The following NPEPPS variants were observed in gnomAD, a reference collection of about 807,000 sequenced individuals.
NPEPPS encodes puromycin-sensitive aminopeptidase.
Under a neutral mutation model 115.5 loss-of-function variants are expected in NPEPPS, and 14 were observed. The ratio of observed to expected loss-of-function variants is 0.12; its 90% CI spans 0.08 to 0.19. The LOEUF is 0.19. Among genes scored for constraint, NPEPPS ranks in the 10% least tolerant of loss-of-function variants. NPEPPS has a pLI of 1.00. For synonymous variants in NPEPPS, 285 were observed against 390.6 expected, an observed-to-expected ratio of 0.73 and a Z score of 3.19; for missense variants, 523 against 1,110.8, an observed-to-expected ratio of 0.47 and a Z score of 7.52.
At chr17:47,549,248 C>T (rs1909457756) in intron 2 of NPEPPS, among the ~76,000 whole-genome samples, 1 of 151,258 alleles carries the variant, frequency 6.6e-6, no homozygotes, top group Non-Finnish European at 1.5e-5. Context: ...GAGGCTGAGG[C>T]AGAGAATTGC....
rs777578024 is a variant in NPEPPS at position 47,531,450 on chromosome 17, C to T, written c.150C>T (p.Pro50=). ...TCGCCGCGATGCCGGAGAAGAGGCC[C>T]TTCGAGCGGCTGCCTGCCGATGTCT... The part of the protein sequence containing the change: ...LGLAAMPEKR[P]FERLPADVSP... Residue 50 remains proline (P), a synonymous_variant, in exon 1 of 23, where the codon CCC becomes CCT. Coordinates refer to ENST00000322157, the MANE Select transcript of NPEPPS (RefSeq NM_006310.4). 7 of 1,566,192 alleles carry T rather than the reference C, an allele frequency of 4.5e-6. No homozygotes were observed. Among genetic ancestry groups the T allele is most frequent in the Non-Finnish European group, 5.2e-6 (6 of 1,158,042 alleles).
intron 2 of NPEPPS, among the ~76,000 whole-genome samples, chr17:47,561,005 ACTT>A (rs1910388297): frequency 6.6e-6 from 1 of 152,204 alleles, no homozygotes; most frequent in Non-Finnish European, 1.5e-5. Flanking sequence ...TTGACTTGGC[ACTT>A]CTGATATTGA....
intron 11 of NPEPPS, 64 bp from the exon 12 acceptor site, chr17:47,592,421 A>G: frequency 7.3e-6 from 11 of 1,504,604 alleles, no homozygotes; most frequent in Non-Finnish European, 9.9e-6. Flanking sequence ...GATTACTGAT[A>G]TACAAATATA....
Position 47,605,420 on chromosome 17 carries a change from C to G in NPEPPS, c.1963C>G (p.Leu655Val), listed in dbSNP as rs1325729233. The G allele has an allele frequency of 1.2e-6, 2 of 1,610,646 alleles. No homozygotes were observed. The highest frequency in any genetic ancestry group is 1.3e-5 in the African/African-American group (1 of 74,896). ...GCCCAATTATACTGTATGGAGCGACCTGAGCTGTAACCTGGGGATTCTCTC... is the reference window on the plus strand; with the variant it reads ...GCCCAATTATACTGTATGGAGCGACGTGAGCTGTAACCTGGGGATTCTCTC... ...NEPNYTVWSD[L>V]SCNLGILSTL... The change falls in exon 17 of 23, where the codon CTG becomes GTG. Residue 655 changes from leucine (L) to valine (V), a missense_variant. Leu to Val is a conservative substitution (Grantham distance 32, BLOSUM62 1). This residue lies in a region of NPEPPS where 372 missense variants were observed against 542.6 expected (regional missense o/e 0.69). Coordinates refer to ENST00000322157, the MANE Select transcript of NPEPPS (RefSeq NM_006310.4).
chr17:47,537,539 A>G (rs1403405381), intron 1 of NPEPPS, among the ~76,000 whole-genome samples: 1 of 152,014 alleles, frequency 6.6e-6, no homozygotes, highest in Non-Finnish European at 1.5e-5. Context: ...AAAAAAATAC[A>G]AAAATTAGCC....
At chr17:47,586,893 C>T in intron 8 of NPEPPS, 1 of 397,592 alleles carries the variant, frequency 2.5e-6, no homozygotes, top group Non-Finnish European at 4.8e-6. Flanking sequence ...GCATCTTCCT[C>T]CACCACTCCC....
chr17:47,581,626 T>G (rs1911881364), intron 4 of NPEPPS: 1 of 152,184 alleles, frequency 6.6e-6, no homozygotes. Context: ...TTGATAGAAT[T>G]CATTATTTAT....
intron 9 of NPEPPS, among the ~76,000 whole-genome samples, chr17:47,587,810 A>T (rs1193700302): frequency 6.6e-6 from 1 of 151,908 alleles, no homozygotes; most frequent in East Asian, 1.9e-4. Context: ...GTTAAGTTGA[A>T]ATTTAATGAA....
intron 1 of NPEPPS, among the ~76,000 whole-genome samples, chr17:47,541,070 T>C (rs1041017381): frequency 2.0e-5 from 3 of 152,202 alleles, no homozygotes; most frequent in Non-Finnish European, 4.4e-5. Context: ...AATTGGATGT[T>C]GTGCATGGTG....
chr17:47,570,840 T>C (rs541488179), intron 3 of NPEPPS, among the ~76,000 whole-genome samples: 99 of 152,350 alleles, frequency 6.5e-4, no homozygotes, highest in African/African-American at 2.2e-3. Flanking sequence ...TTGATATCGC[T>C]GGGGGAAGTA....
At chr17:47,557,139 C>T (rs550452423) in intron 2 of NPEPPS, among the ~76,000 whole-genome samples, 142 of 152,178 alleles carry the variant, frequency 9.3e-4, no homozygotes, top group Non-Finnish European at 1.7e-3. Flanking sequence ...AGTGCAGTGA[C>T]GTGATCTTGG....
chr17:47,618,715 T>C (rs187359033), intron 20 of NPEPPS, among the ~76,000 whole-genome samples: 22 of 152,368 alleles, frequency 1.4e-4, no homozygotes, highest in African/African-American at 4.8e-4. Flanking sequence ...ACTGGGAAAC[T>C]GGCTTATGCC....
chr17:47,564,016 T>C (rs920946120), intron 2 of NPEPPS, among the ~76,000 whole-genome samples: 3 of 152,088 alleles, frequency 2.0e-5, no homozygotes, highest in Admixed American at 6.6e-5. Flanking sequence ...CACTGCAGCC[T>C]CTACCTCCCA....
chr17:47,613,770 G>T (rs757578296), intron 19 of NPEPPS, 45 bp downstream of exon 19: 6 of 1,434,792 alleles, frequency 4.2e-6, no homozygotes, highest in South Asian at 1.2e-5. Flanking sequence ...TTTGAACTTG[G>T]ATAGACACAC....
intron 19 of NPEPPS, among the ~76,000 whole-genome samples, chr17:47,617,979 T>A (rs1315384943): frequency 6.6e-6 from 1 of 152,120 alleles, no homozygotes; most frequent in African/African-American, 2.4e-5. Flanking sequence ...GTTCAAGCGA[T>A]TCTCCCGCCT....
intron 18 of NPEPPS, among the ~76,000 whole-genome samples, chr17:47,613,335 G>A (rs1030507124): frequency 7.3e-5 from 10 of 137,752 alleles, no homozygotes; most frequent in Non-Finnish European, 1.1e-4. Flanking sequence ...GTGTGATCTC[G>A]GCTCACTGTA....
chr17:47,589,060 T>C (rs187562470), intron 9 of NPEPPS, among the ~76,000 whole-genome samples: 128 of 152,168 alleles, frequency 8.4e-4, no homozygotes, highest in African/African-American at 3.0e-3. Flanking sequence ...CAATTACAGG[T>C]GTGTGGCACC....
intron 13 of NPEPPS, among the ~76,000 whole-genome samples, chr17:47,597,714 A>T (rs1912965731): frequency 6.6e-6 from 1 of 152,150 alleles, no homozygotes; most frequent in African/African-American, 2.4e-5. Flanking sequence ...TGGCAATCTA[A>T]GTTATAAATT....
intron 13 of NPEPPS, among the ~76,000 whole-genome samples, chr17:47,597,142 A>G (rs561022975): frequency 6.7e-6 from 1 of 149,410 alleles, no homozygotes; most frequent in Non-Finnish European, 1.5e-5. Context: ...TGTAGAAAAA[A>G]CATTTGGTAA....
Sources: gnomAD v4.1 joint callset for allele counts (sites outside exome capture counted in the v4.1 genomes callset) on GRCh38, gnomAD v4.1.1 for gene constraint, gnomAD v4.1.1 regional missense constraint, MANE v1.5 for transcripts, NCBI Gene and HGNC (gene_info 2026-07-23, HGNC 2026-07-21) for gene names.